Variants in KDM2A observed in about 807,000 individuals in gnomAD.
The protein encoded by KDM2A is lysine demethylase 2A, also known as lysine-specific demethylase 2A.
Under a neutral mutation model 137.3 loss-of-function variants are expected in KDM2A, and 3 were observed. The ratio of observed to expected loss-of-function variants is 0.02; its 90% CI spans 0.01 to 0.06. KDM2A has a LOEUF of 0.06. KDM2A is among the 10% of genes least tolerant of loss of function. The pLI, the probability that KDM2A is intolerant of heterozygous loss-of-function variation, is 1.00. For synonymous variants in KDM2A, 512 were observed against 541.5 expected (o/e 0.95, Z 0.76); for missense variants, 738 against 1,510.6 (o/e 0.49, Z 8.48).
chr11:67,255,401 C>T lies in KDM2A; in HGVS notation c.*346C>T, dbSNP rs760957268. The T allele has an allele frequency of 1.1e-5, 5 of 472,934 alleles. No individual in the cohort carries two copies. The highest frequency in any genetic ancestry group is 2.1e-5 in the Non-Finnish European group (5 of 238,548). 29.3% of individuals were successfully genotyped at this position (472,934 alleles called of 1,614,324 possible). A position where few individuals can be genotyped will look rare whatever the true frequency, so the allele number is the denominator to read the frequency against. ...CATCTGCACTGGGCCCTGTGCCCCTCCTCCCCATCCATGGTCCCCAGCAGT... is the reference window on the plus strand; with the variant it reads ...CATCTGCACTGGGCCCTGTGCCCCTTCTCCCCATCCATGGTCCCCAGCAGT... On this transcript the variant is annotated 3_prime_UTR_variant, in exon 21 of 21. Transcript: ENST00000529006.
intron 12 of KDM2A, chr11:67,240,512 A>G (rs368424539): frequency 2.8e-6 from 2 of 713,682 alleles, no homozygotes. Context: ...TTGAGCCGTC[A>G]TTGCACTTGT....
chr11:67,213,751 G>A (rs1858067885), intron 6 of KDM2A, among the ~76,000 whole-genome samples: 1 of 121,602 alleles, frequency 8.2e-6, no homozygotes, highest in Admixed American at 8.4e-5. Context: ...AGAGCAGACC[G>A]TCTCAAAAAA....
intron 2 of KDM2A, among the ~76,000 whole-genome samples, chr11:67,166,027 T>A (rs1856735257): frequency 6.6e-6 from 1 of 152,158 alleles, no homozygotes; most frequent in Non-Finnish European, 1.5e-5. Flanking sequence ...GTGAAGAAAC[T>A]AGGCATTATC....
intron 2 of KDM2A, among the ~76,000 whole-genome samples, chr11:67,173,099 C>T (rs1445932356): frequency 2.0e-5 from 3 of 151,868 alleles, no homozygotes; most frequent in African/African-American, 2.4e-5. Context: ...TTAGGAGATC[C>T]TCCCACCTCA....
intron 13 of KDM2A, among the ~76,000 whole-genome samples, 192 bp downstream of exon 13, chr11:67,243,284 C>T (rs1383389044): frequency 2.0e-5 from 3 of 152,186 alleles, no homozygotes; most frequent in Non-Finnish European, 4.4e-5. Flanking sequence ...GAGGTGACCT[C>T]TCTTAACAGA....
intron 5 of KDM2A, among the ~76,000 whole-genome samples, chr11:67,193,231 C>G (rs553937284): frequency 6.6e-6 from 1 of 152,016 alleles, no homozygotes; most frequent in Non-Finnish European, 1.5e-5. Context: ...CTCAGGTGAT[C>G]CACCCGCCTC....
intron 2 of KDM2A, among the ~76,000 whole-genome samples, chr11:67,174,843 A>G (rs1047192745): frequency 1.8e-4 from 27 of 152,192 alleles, no homozygotes; most frequent in African/African-American, 5.8e-4. Flanking sequence ...GGGAAATGCA[A>G]ATTGCTTTTG....
At chr11:67,174,216 C>T (rs1202354069) in intron 2 of KDM2A, among the ~76,000 whole-genome samples, 1 of 152,176 alleles carries the variant, frequency 6.6e-6, no homozygotes, top group Non-Finnish European at 1.5e-5. Context: ...TGAGATTGCG[C>T]CACTGCACTC....
At chr11:67,172,745 T>C (rs1166347952) in intron 2 of KDM2A, among the ~76,000 whole-genome samples, 1 of 152,100 alleles carries the variant, frequency 6.6e-6, no homozygotes. Flanking sequence ...TCTTGCCTAA[T>C]TGCCATAGCT....
intron 5 of KDM2A, among the ~76,000 whole-genome samples, chr11:67,198,591 T>TCCCAGC (rs1244302485): frequency 2.0e-5 from 3 of 151,184 alleles, no homozygotes; most frequent in Admixed American, 6.6e-5. Context: ...GCGCCTGTAG[T>TCCCAGC]CCCAGCTATT....
At chr11:67,189,419 G>A (rs1857289710) in intron 5 of KDM2A, among the ~76,000 whole-genome samples, 1 of 152,192 alleles carries the variant, frequency 6.6e-6, no homozygotes, top group Non-Finnish European at 1.5e-5. Flanking sequence ...AGCTATAAAT[G>A]CTTTGATTAT....
At chr11:67,192,735 G>A (rs1857387676) in intron 5 of KDM2A, among the ~76,000 whole-genome samples, 1 of 151,846 alleles carries the variant, frequency 6.6e-6, no homozygotes, top group Non-Finnish European at 1.5e-5. Context: ...ATGAGCCACC[G>A]TGCCTGGCCT....
chr11:67,167,101 A>T (rs1038427378), intron 2 of KDM2A, among the ~76,000 whole-genome samples: 1 of 152,180 alleles, frequency 6.6e-6, no homozygotes, highest in Non-Finnish European at 1.5e-5. Context: ...AAAGTTTAAT[A>T]TTGCGAGTTA....
At chr11:67,186,136 A>C (rs1857200724) in intron 5 of KDM2A, among the ~76,000 whole-genome samples, 1 of 152,134 alleles carries the variant, frequency 6.6e-6, no homozygotes, top group South Asian at 2.1e-4. Flanking sequence ...AGGAGTATAA[A>C]CATCCAAACA....
chr11:67,229,798 A>T (rs1426089303), intron 11 of KDM2A, among the ~76,000 whole-genome samples: 1 of 151,438 alleles, frequency 6.6e-6, no homozygotes, highest in Non-Finnish European at 1.5e-5. Flanking sequence ...TGAACCCGGG[A>T]GGTGGAGGTT....
At chr11:67,223,429 G>A (rs1376144729) in intron 10 of KDM2A, among the ~76,000 whole-genome samples, 1 of 150,934 alleles carries the variant, frequency 6.6e-6, no homozygotes, top group Non-Finnish European at 1.5e-5. Flanking sequence ...TTGACACAGG[G>A]TCTCACTCTG....
Position 67,245,057 on chromosome 11 carries a change from T to G in KDM2A, c.1564-132T>G. 2.2e-6 allele frequency: 2 copies of G among 919,292 alleles called. No homozygotes were observed. Among genetic ancestry groups the G allele is most frequent in the South Asian group, 3.2e-5 (2 of 62,154 alleles). 56.9% of individuals were successfully genotyped at this position (919,292 alleles called of 1,614,324 possible). A position where few individuals can be genotyped will look rare whatever the true frequency, so the allele number is the denominator to read the frequency against. ...AGTTGTGTGTCAATAAAATTTATTC[T>G]AGAAACAAGCAGTGGGCAGATCTGG... On this transcript the variant is annotated intron_variant, in intron 13 of 20. Transcript: ENST00000529006. This position sits in a 1 kb window ranked among gnomAD's most constrained non-coding sequence, Gnocchi z 4.1.
intron 5 of KDM2A, among the ~76,000 whole-genome samples, chr11:67,205,509 C>T (rs1402066238): frequency 6.6e-6 from 1 of 152,026 alleles, no homozygotes; most frequent in African/African-American, 2.4e-5. Context: ...TTTTCTACAG[C>T]CTCGACCTCC....
At chr11:67,178,222 A>G (rs1857012861) in intron 2 of KDM2A, among the ~76,000 whole-genome samples, 2 of 152,076 alleles carry the variant, frequency 1.3e-5, no homozygotes, top group Non-Finnish European at 2.9e-5. Context: ...CCTGGCCAAC[A>G]TGGGAAACCC....
Sources: allele counts gnomAD v4.1 joint callset (sites outside exome capture counted in the v4.1 genomes callset), GRCh38; gene constraint gnomAD v4.1.1; non-coding constraint Gnocchi (gnomAD v3.1); transcripts MANE v1.5; gene names NCBI Gene and HGNC (gene_info 2026-07-23, HGNC 2026-07-21).